The following EIF4G3 variants were observed in gnomAD, a reference collection of about 807,000 sequenced individuals.
EIF4G3 encodes the protein eukaryotic translation initiation factor 4 gamma 3.
A neutral mutation model predicts 186.4 loss-of-function variants in EIF4G3; 34 were observed. The ratio of observed to expected loss-of-function variants is 0.18; its 90% CI spans 0.14 to 0.24. The LOEUF (loss-of-function observed/expected upper bound fraction) is 0.24, where lower values mean the gene tolerates loss of function less well. Ranked by LOEUF, EIF4G3 falls within the 10% of genes least tolerant of loss-of-function variation. The pLI is 1.00. For synonymous variants in EIF4G3, 673 were observed against 679.5 expected, an observed-to-expected ratio of 0.99 and a Z score of 0.15; for missense variants, 1,536 against 1,948.5, an observed-to-expected ratio of 0.79 and a Z score of 3.99.
intron 3 of EIF4G3, among the ~76,000 whole-genome samples, chr1:21,082,579 C>T (rs2095822307): frequency 6.6e-6 from 1 of 151,856 alleles, no homozygotes; most frequent in South Asian, 2.1e-4. Flanking sequence ...GAGCAAGGTT[C>T]CACCTCAAAA....
chr1:20,986,129 T>TG (rs1321911455), intron 7 of EIF4G3, among the ~76,000 whole-genome samples: 13 of 152,308 alleles, frequency 8.5e-5, no homozygotes, highest in African/African-American at 3.1e-4. Context: ...CAAATGAGCT[T>TG]GATCTTTTCT....
At chr1:21,172,423 T>C (rs2097999117) in intron 2 of EIF4G3, among the ~76,000 whole-genome samples, 1 of 152,180 alleles carries the variant, frequency 6.6e-6, no homozygotes, top group Non-Finnish European at 1.5e-5. Flanking sequence ...ATTTCTACCT[T>C]AGCTCTTCAA....
intron 2 of EIF4G3, among the ~76,000 whole-genome samples, chr1:21,164,751 T>C (rs2097827151): frequency 6.6e-6 from 1 of 151,850 alleles, no homozygotes; most frequent in Admixed American, 6.6e-5. Context: ...TTAGTCCCAG[T>C]TACTTGGGAA....
chr1:20,984,581 C>T lies in EIF4G3; in HGVS notation c.178-2173G>A, dbSNP rs1229677434. On this transcript the variant is annotated intron_variant, in intron 7 of 36. Transcript: ENST00000602326. ...ATATACACACACACACACACACACACACATATATACACTTTTTTTTTTTTT... is the reference window on the plus strand; with the variant it reads ...ATATACACACACACACACACACACATACATATATACACTTTTTTTTTTTTT... Among the ~76,000 whole-genome samples, 3 of 124,090 alleles carry T rather than the reference C, an allele frequency of 2.4e-5. No individual in the cohort carries two copies. The East Asian group carries it at 1.0e-3, about 43-fold the overall frequency. The allele number at this position is 124,090 out of a possible 152,430, so 81.4% of individuals were successfully genotyped here.
At chr1:21,056,343 C>G (rs955867587) in intron 3 of EIF4G3, among the ~76,000 whole-genome samples, 1 of 152,166 alleles carries the variant, frequency 6.6e-6, no homozygotes, top group South Asian at 2.1e-4. Flanking sequence ...AAAAATCTCT[C>G]AGCTTCACTG....
chr1:21,008,879 A>C (rs773527885), intron 4 of EIF4G3, among the ~76,000 whole-genome samples: 11 of 152,242 alleles, frequency 7.2e-5, no homozygotes, highest in Non-Finnish European at 1.2e-4. Context: ...TGAGAAAACT[A>C]AATAATCATT....
intron 10 of EIF4G3, among the ~76,000 whole-genome samples, chr1:20,973,698 T>C (rs1447556763): frequency 2.0e-5 from 3 of 152,208 alleles, no homozygotes; most frequent in Admixed American, 1.3e-4. Context: ...TTTTCTATCA[T>C]TCTTGAATCC....
intron 2 of EIF4G3, among the ~76,000 whole-genome samples, chr1:21,160,923 C>T (rs1031455683): frequency 1.3e-5 from 2 of 152,198 alleles, no homozygotes; most frequent in African/African-American, 4.8e-5. Flanking sequence ...GTAATCCCAA[C>T]ATTTTGGGAG....
intron 4 of EIF4G3, among the ~76,000 whole-genome samples, chr1:21,014,209 C>T (rs1431313946): frequency 6.6e-6 from 1 of 152,086 alleles, no homozygotes; most frequent in Non-Finnish European, 1.5e-5. Flanking sequence ...GAATTATCAC[C>T]GGTGGAGGCG....
At chr1:20,843,513 T>C (rs1195326723) in intron 29 of EIF4G3, among the ~76,000 whole-genome samples, 1 of 151,894 alleles carries the variant, frequency 6.6e-6, no homozygotes, top group Non-Finnish European at 1.5e-5. Context: ...TGAGACTCTG[T>C]CTCCAAAAAA....
At chr1:21,036,835 C>T (rs1172258203) in intron 4 of EIF4G3, among the ~76,000 whole-genome samples, 3 of 152,074 alleles carry the variant, frequency 2.0e-5, no homozygotes, top group African/African-American at 7.2e-5. Context: ...GAGCCAAGAT[C>T]GTGCCACTGC....
At chr1:21,003,286 T>C (rs2084091328) in intron 4 of EIF4G3, among the ~76,000 whole-genome samples, 1 of 151,828 alleles carries the variant, frequency 6.6e-6, no homozygotes, top group Admixed American at 6.6e-5. Flanking sequence ...TGAACAACTT[T>C]TTAATTTTTT....
At chr1:20,872,941 T>C (rs1355017349) in intron 20 of EIF4G3, among the ~76,000 whole-genome samples, 1 of 152,162 alleles carries the variant, frequency 6.6e-6, no homozygotes, top group African/African-American at 2.4e-5. Context: ...TTCACCATGT[T>C]GGCCAGGCTG....
intron 10 of EIF4G3, among the ~76,000 whole-genome samples, chr1:20,974,122 G>A (rs943622477): frequency 6.6e-6 from 1 of 152,156 alleles, no homozygotes; most frequent in African/African-American, 2.4e-5. Context: ...GTTTTAGACA[G>A]GTCAAGTTTC....
At chr1:20,870,725 C>A (rs1170025670) in intron 20 of EIF4G3, among the ~76,000 whole-genome samples, 1 of 152,234 alleles carries the variant, frequency 6.6e-6, no homozygotes, top group African/African-American at 2.4e-5. Flanking sequence ...CACTCTTCCT[C>A]ACCTGCCACT....
chr1:21,083,028 ACT>A (rs1451786200), intron 3 of EIF4G3, among the ~76,000 whole-genome samples: 1 of 107,498 alleles, frequency 9.3e-6, no homozygotes, highest in Admixed American at 1.3e-4. Flanking sequence ...ACACAGCGAG[ACT>A]CTGTCTCAAA....
chr1:21,030,608 C>A (rs1346032337), intron 4 of EIF4G3, among the ~76,000 whole-genome samples: 1 of 152,154 alleles, frequency 6.6e-6, no homozygotes, highest in African/African-American at 2.4e-5. Flanking sequence ...CAGGTCCAGG[C>A]CAGTGCTCGT....
intron 14 of EIF4G3, among the ~76,000 whole-genome samples, chr1:20,906,898 T>C (rs1572547593): frequency 1.3e-5 from 2 of 151,406 alleles, no homozygotes; most frequent in African/African-American, 4.9e-5. Flanking sequence ...CAATTACTGA[T>C]AGAAAGGTGC....
intron 7 of EIF4G3, among the ~76,000 whole-genome samples, chr1:20,988,897 T>C (rs1445215634): frequency 6.6e-6 from 1 of 151,124 alleles, no homozygotes; most frequent in Non-Finnish European, 1.5e-5. Context: ...GGATTCACCA[T>C]TGCTGATGCC....
Sources: gnomAD v4.1 joint callset for allele counts (sites outside exome capture counted in the v4.1 genomes callset) on GRCh38, gnomAD v4.1.1 for gene constraint, MANE v1.5 for transcripts, NCBI Gene and HGNC (gene_info 2026-07-23, HGNC 2026-07-21) for gene names.